Variants in GNAI3 observed in about 807,000 individuals in gnomAD.
The protein encoded by GNAI3 is G protein subunit alpha i3, also known as guanine nucleotide-binding protein G(i) subunit alpha-3.
GNAI3 carries 12 observed loss-of-function variants against 41.8 expected under a neutral mutation model. The observed-to-expected ratio is 0.29, with a 90% CI of 0.18 to 0.47. The LOEUF (loss-of-function observed/expected upper bound fraction) is 0.47. Among genes scored for constraint, GNAI3 ranks in the 20% least tolerant of loss-of-function variants. GNAI3 has a pLI of 1.00. For synonymous variants in GNAI3, 132 were observed against 146.5 expected, an observed-to-expected ratio of 0.90 and a Z score of 0.71; for missense variants, 360 against 429.6, an observed-to-expected ratio of 0.84 and a Z score of 1.43.
rs1383015520 is a variant in GNAI3 at position 109,594,411 on chromosome 1, T to C, written c.*2089T>C. 1 of 152,200 alleles carries C rather than the reference T, an allele frequency of 6.6e-6. No homozygotes were observed. The highest frequency in any genetic ancestry group is 1.9e-4 in the East Asian group (1 of 5,200). The allele number at this position is 152,200 out of a possible 1,614,324, so 9.4% of individuals were successfully genotyped here. ...TCTGATATGTTAAATTTTTAGCCCT[T>C]CTGTTAAAGAAAAATAGCAGGTCCC... On this transcript the variant is annotated 3_prime_UTR_variant, in exon 9 of 9. Transcript: ENST00000369851.
chr1:109,586,589 C>A, intron 6 of GNAI3, 140 bp from the exon 7 acceptor site: 1 of 703,346 alleles, frequency 1.4e-6, no homozygotes, highest in Non-Finnish European at 2.4e-6. Flanking sequence ...AGGACTGACA[C>A]TCAACTTTAT....
intron 1 of GNAI3, among the ~76,000 whole-genome samples, chr1:109,554,937 C>A (rs1049884619): frequency 2.6e-5 from 4 of 151,996 alleles, no homozygotes; most frequent in African/African-American, 9.7e-5. Context: ...AAACAAAAAA[C>A]AAACAAACAA....
At chr1:109,557,128 G>A (rs113792992) in intron 1 of GNAI3, among the ~76,000 whole-genome samples, 8,464 of 152,086 alleles carry the variant, frequency 0.056, 774 homozygotes, top group African/African-American at 0.19. Context: ...TAGAGACGGG[G>A]TTTCACCATG....
rs376480817 is a variant in GNAI3 at position 109,586,336 on chromosome 1, C to T, written c.711C>T (p.Asp237=). ...ATTATGACCTTGTTCTGGCTGAGGA[C>T]GAGGAGATGGTATGTTGGAGCTTCT... ...LSDYDLVLAE[D]EEMNRMHESM... Residue 237 remains aspartate (D), a synonymous_variant, in exon 6 of 9, where the codon GAC becomes GAT. Transcript: ENST00000369851. 7.8e-5 allele frequency: 125 copies of T among 1,610,938 alleles called. No homozygotes were observed. The highest frequency in any genetic ancestry group is 1.6e-4 in the African/African-American group (12 of 74,786).
chr1:109,573,042 GA>G (rs547644437), intron 1 of GNAI3, among the ~76,000 whole-genome samples: 6 of 152,272 alleles, frequency 3.9e-5, no homozygotes, highest in African/African-American at 1.4e-4. Context: ...TCAGAATTGG[GA>G]GGGGGTTTAT....
Position 109,597,933 on chromosome 1 carries a change from C to T in GNAI3, c.*5611C>T, listed in dbSNP as rs892766382. 2.0e-5 allele frequency: 3 copies of T among 152,152 alleles called. No individual in the cohort carries two copies. Among genetic ancestry groups the T allele is most frequent in the African/African-American group, 4.8e-5 (2 of 41,444 alleles). 9.4% of individuals were successfully genotyped at this position (152,152 alleles called of 1,614,324 possible). ...GAATGATTGAGTCACATGTAAAAGC[C>T]TTTGTATGCCCAGTGCTAGTGTTTT... On this transcript the variant is annotated 3_prime_UTR_variant, in exon 9 of 9. Transcript: ENST00000369851.
intron 1 of GNAI3, among the ~76,000 whole-genome samples, chr1:109,558,449 A>G (rs1648215327): frequency 6.6e-6 from 1 of 152,102 alleles, no homozygotes; most frequent in Admixed American, 6.6e-5. Flanking sequence ...AACAAAATTT[A>G]AAAATAAATT....
intron 1 of GNAI3, 51 bp from the exon 2 acceptor site, chr1:109,573,686 C>T (rs756708943): frequency 4.2e-6 from 6 of 1,440,308 alleles, no homozygotes; most frequent in South Asian, 1.1e-5. Flanking sequence ...TGATATTATA[C>T]TTTTATGTTG....
chr1:109,551,716 G>C (rs1221665916), intron 1 of GNAI3, among the ~76,000 whole-genome samples: 1 of 152,168 alleles, frequency 6.6e-6, no homozygotes, highest in African/African-American at 2.4e-5. Context: ...ATGAAGATTA[G>C]CTATTCTTAT....
intron 1 of GNAI3, among the ~76,000 whole-genome samples, chr1:109,555,682 T>C (rs1490142611): frequency 6.6e-6 from 1 of 152,212 alleles, no homozygotes; most frequent in Admixed American, 6.5e-5. Flanking sequence ...TTTAGCATAC[T>C]AAACTTATAT....
At chr1:109,556,999 G>A (rs2101090339) in intron 1 of GNAI3, among the ~76,000 whole-genome samples, 1 of 152,252 alleles carries the variant, frequency 6.6e-6, no homozygotes, top group African/African-American at 2.4e-5. Context: ...GTAGTGGCAT[G>A]ATCTTGGATC....
rs1649215929 is a variant in GNAI3, at chr1:109,593,314, C to G, written c.*992C>G. The stretch of plus-strand genomic sequence containing the variant: ...AAACATCTAAAGTGTATTAACAGTG[C>G]ATGCTTTTACTTTGTAAATGTGGTG... On this transcript the variant is annotated 3_prime_UTR_variant, in exon 9 of 9. Transcript: ENST00000369851. 6.6e-6 allele frequency: 1 copy of G among 152,634 alleles called. No individual in the cohort carries two copies. The highest frequency in any genetic ancestry group is 2.4e-5 in the African/African-American group (1 of 41,444). The allele number at this position is 152,634 out of a possible 1,614,324, so 9.5% of individuals were successfully genotyped here.
chr1:109,579,679 C>T (rs1368432497), intron 4 of GNAI3, among the ~76,000 whole-genome samples: 1 of 152,160 alleles, frequency 6.6e-6, no homozygotes, highest in African/African-American at 2.4e-5. Context: ...CATAAGTTCC[C>T]TCTGTGTAAG....
chr1:109,558,713 ATTAATAATTTG>A (rs1648225149), intron 1 of GNAI3, among the ~76,000 whole-genome samples: 1 of 99,956 alleles, frequency 1.0e-5, no homozygotes, highest in Admixed American at 9.5e-5. Flanking sequence ...TTTGCTCCTT[ATTAATAATTTG>A]CTTCTAAGTT....
At chr1:109,560,268 C>G (rs1290409987) in intron 1 of GNAI3, among the ~76,000 whole-genome samples, 1 of 152,060 alleles carries the variant, frequency 6.6e-6, no homozygotes, top group Non-Finnish European at 1.5e-5. Context: ...AATGTTAATA[C>G]AAAACATCTG....
chr1:109,586,639 T>C, intron 6 of GNAI3, 90 bp from the exon 7 acceptor site: 2 of 897,934 alleles, frequency 2.2e-6, no homozygotes, highest in Non-Finnish European at 3.5e-6. Flanking sequence ...TGCCATTTAG[T>C]GCTGCAAAAC....
chr1:109,591,576 C>T (rs757466780), intron 7 of GNAI3: 15 of 616,008 alleles, frequency 2.4e-5, no homozygotes, highest in Admixed American at 9.6e-5. Context: ...CATCCTTGCG[C>T]GGGGACTGTG....
chr1:109,560,313 G>T (rs1240044387), intron 1 of GNAI3, among the ~76,000 whole-genome samples: 1 of 152,076 alleles, frequency 6.6e-6, no homozygotes, highest in Non-Finnish European at 1.5e-5. Flanking sequence ...ATATCTCAAA[G>T]AATTCTTATT....
At chr1:109,583,485 G>T (rs1315783223) in intron 5 of GNAI3, among the ~76,000 whole-genome samples, 1 of 152,180 alleles carries the variant, frequency 6.6e-6, no homozygotes, top group Non-Finnish European at 1.5e-5. Flanking sequence ...AAAGTGCTGG[G>T]ATTGCAGGTG....
Sources: allele counts gnomAD v4.1 joint callset (sites outside exome capture counted in the v4.1 genomes callset), GRCh38; gene constraint gnomAD v4.1.1; transcripts MANE v1.5; gene names NCBI Gene and HGNC (gene_info 2026-07-23, HGNC 2026-07-21).